The following DNAH14 variants were observed in gnomAD, a reference collection of about 807,000 sequenced individuals.
The protein encoded by DNAH14 is axonemal beta dynein heavy chain 14.
A neutral mutation model predicts 520.9 loss-of-function variants in DNAH14; 478 were observed. The ratio of observed to expected loss-of-function variants is 0.92; its 90% CI spans 0.85 to 0.99. The LOEUF (loss-of-function observed/expected upper bound fraction) is 0.99, where lower values mean the gene tolerates loss of function less well. DNAH14 is among the 50% of genes least tolerant of loss of function. The pLI, the probability that DNAH14 is intolerant of heterozygous loss-of-function variation, is 0.00. For synonymous variants in DNAH14, 1,581 were observed against 1,757.2 expected, an observed-to-expected ratio of 0.90 and a Z score of 2.51; for missense variants, 4,831 against 5,234.5, an observed-to-expected ratio of 0.92 and a Z score of 2.38.
chr1:225,210,207 G>A (rs1288433068), intron 41 of DNAH14, among the ~76,000 whole-genome samples: 1 of 152,068 alleles, frequency 6.6e-6, no homozygotes, highest in African/African-American at 2.4e-5. Flanking sequence ...AAGCCACGTG[G>A]TCTAGTTCAG....
chr1:224,940,517 T>C (rs1402434389), intron 1 of DNAH14, among the ~76,000 whole-genome samples: 1 of 152,128 alleles, frequency 6.6e-6, no homozygotes, highest in Non-Finnish European at 1.5e-5. Context: ...TTCCTAATTT[T>C]ATTTTATTTT....
At chr1:225,393,756 A>G (rs983669022) in intron 84 of DNAH14, among the ~76,000 whole-genome samples, 2 of 151,548 alleles carry the variant, frequency 1.3e-5, no homozygotes, top group African/African-American at 4.9e-5. Flanking sequence ...AACACTCGGT[A>G]TTTTTAGTGT....
chr1:225,244,786 T>G (rs2092179208), intron 43 of DNAH14, among the ~76,000 whole-genome samples: 1 of 152,126 alleles, frequency 6.6e-6, no homozygotes, highest in Non-Finnish European at 1.5e-5. Context: ...TTTGTTAATC[T>G]TTTCAAAAAA....
At chr1:225,059,358 T>C (rs1464920720) in intron 17 of DNAH14, among the ~76,000 whole-genome samples, 1 of 152,180 alleles carries the variant, frequency 6.6e-6, no homozygotes, top group Non-Finnish European at 1.5e-5. Context: ...CTCCTGCCTT[T>C]TTTTGTTTTC....
At chr1:225,234,398 C>T (rs1178114958) in intron 42 of DNAH14, among the ~76,000 whole-genome samples, 1 of 152,128 alleles carries the variant, frequency 6.6e-6, no homozygotes, top group African/African-American at 2.4e-5. Flanking sequence ...CCATGTTAGC[C>T]AGGATGGTCT....
intron 77 of DNAH14, among the ~76,000 whole-genome samples, chr1:225,372,533 G>C (rs1319715943): frequency 6.6e-6 from 1 of 152,154 alleles, no homozygotes; most frequent in Non-Finnish European, 1.5e-5. Flanking sequence ...TGGAAGAAAA[G>C]TACTAGTTCC....
At chr1:225,335,854 T>C (rs1381417879) in intron 66 of DNAH14, among the ~76,000 whole-genome samples, 1 of 77,500 alleles carries the variant, frequency 1.3e-5, no homozygotes, top group African/African-American at 5.1e-5. Flanking sequence ...TACACATATG[T>C]ACATATATGT....
At chr1:224,958,198 G>T (rs1311786607) in intron 3 of DNAH14, among the ~76,000 whole-genome samples, 1 of 152,172 alleles carries the variant, frequency 6.6e-6, no homozygotes, top group East Asian at 1.9e-4. Context: ...AGACTGAAAG[G>T]TAAAGGTTTA....
intron 37 of DNAH14, 139 bp downstream of exon 37, chr1:225,185,564 A>G (rs2084596509): frequency 1.1e-6 from 1 of 873,714 alleles, no homozygotes; most frequent in African/African-American, 1.8e-5. Context: ...AAGAATCATA[A>G]TGAGTGGGAT....
In DNAH14 at chr1:225,333,296, A is replaced by G; in HGVS notation, c.9870A>G (p.Arg3290=). The G allele has an allele frequency of 1.3e-6, 2 of 1,550,314 alleles. No homozygotes were observed. Among genetic ancestry groups the G allele is most frequent in the Non-Finnish European group, 1.7e-6 (2 of 1,146,092 alleles). Residue 3290 remains arginine, a synonymous_variant, in exon 66 of 86, where the codon CGA becomes CGG. Coordinates refer to ENST00000682510, the MANE Select transcript of DNAH14 (RefSeq NM_001367479.1). Reference sequence around the variant, plus strand: ...ATTTCTATTTTAACATTTAGACTCGATGGCAAGAAACAATCAATCAAATAG... The same window carrying G: ...ATTTCTATTTTAACATTTAGACTCGGTGGCAAGAAACAATCAATCAAATAG... ...LLTVLEDEKT[R]WQETINQIDN... is the part of the protein sequence containing the mutation.
chr1:224,957,866 T>A (rs994613358), intron 3 of DNAH14, among the ~76,000 whole-genome samples: 1 of 152,132 alleles, frequency 6.6e-6, no homozygotes, highest in Non-Finnish European at 1.5e-5. Context: ...GAAGTTTAGC[T>A]GTGAAGAAAG....
At chr1:224,940,856 T>C (rs1276635876) in intron 1 of DNAH14, among the ~76,000 whole-genome samples, 1 of 152,220 alleles carries the variant, frequency 6.6e-6, no homozygotes, top group African/African-American at 2.4e-5. Flanking sequence ...ACTCATCCTT[T>C]TTTATGGCTG....
At chr1:224,962,663 C>T (rs968557028) in intron 4 of DNAH14, among the ~76,000 whole-genome samples, 40 of 152,168 alleles carry the variant, frequency 2.6e-4, no homozygotes, top group African/African-American at 9.4e-4. Context: ...GAGGACCCAG[C>T]CAAAATTTGC....
At chr1:225,370,507 G>A (rs565321341) in intron 77 of DNAH14, among the ~76,000 whole-genome samples, 1 of 152,016 alleles carries the variant, frequency 6.6e-6, no homozygotes, top group Admixed American at 6.5e-5. Flanking sequence ...GTGACAGAGT[G>A]ACACCCTGTC....
chr1:225,351,571 G>C (rs1273374207), intron 71 of DNAH14, 76 bp from the exon 72 acceptor site: 2 of 984,620 alleles, frequency 2.0e-6, no homozygotes, highest in Non-Finnish European at 2.9e-6. Context: ...TCTTTGTCAA[G>C]TATCTACTTT....
chr1:225,274,365 C>T (rs917174659), intron 52 of DNAH14, among the ~76,000 whole-genome samples: 10 of 151,792 alleles, frequency 6.6e-5, no homozygotes, highest in South Asian at 2.1e-4. Flanking sequence ...CCACTGCGCC[C>T]GGCTAATTTT....
intron 8 of DNAH14, among the ~76,000 whole-genome samples, chr1:224,991,084 CTTTTTTTTT>C (rs1197927461): frequency 1.3e-5 from 1 of 77,900 alleles, no homozygotes; most frequent in African/African-American, 4.3e-5. Flanking sequence ...TGATGTTGAG[CTTTTTTTTT>C]TTTTTTTTTT....
intron 20 of DNAH14, among the ~76,000 whole-genome samples, chr1:225,083,962 G>T (rs901689059): frequency 2.0e-5 from 3 of 152,152 alleles, no homozygotes; most frequent in African/African-American, 7.2e-5. Flanking sequence ...GTAGCAGCAA[G>T]CTATAAAAGT....
At chr1:225,117,238 A>G (rs2076932599) in intron 23 of DNAH14, among the ~76,000 whole-genome samples, 1 of 152,106 alleles carries the variant, frequency 6.6e-6, no homozygotes, top group Non-Finnish European at 1.5e-5. Flanking sequence ...GTTATCTGTG[A>G]TATGGTAACT....
Sources: gnomAD v4.1 joint callset for allele counts (sites outside exome capture counted in the v4.1 genomes callset) on GRCh38, gnomAD v4.1.1 for gene constraint, MANE v1.5 for transcripts, NCBI Gene and HGNC (gene_info 2026-07-23, HGNC 2026-07-21) for gene names.